The following ABLIM1 variants were observed in gnomAD, a reference collection of about 807,000 sequenced individuals.
The protein encoded by ABLIM1 is actin-binding LIM protein 1.
ABLIM1 carries 40 observed loss-of-function variants against 107.0 expected under a neutral mutation model. That is an observed-to-expected ratio of 0.37 (90% CI 0.29 to 0.49). The LOEUF is 0.49. Among genes scored for constraint, ABLIM1 ranks in the 20% least tolerant of loss-of-function variants. ABLIM1 has a pLI of 0.97. For synonymous variants in ABLIM1, 357 were observed against 357.3 expected (o/e 1.00, Z 0.01); for missense variants, 857 against 1,008.5 (o/e 0.85, Z 2.04).
chr10:114,688,172 C>T (rs1046455343), upstream of ABLIM1, among the ~76,000 whole-genome samples: 3 of 152,170 alleles, frequency 2.0e-5, no homozygotes, highest in African/African-American at 4.8e-5. Flanking sequence ...CACACAACTA[C>T]GTCCTCCGTG....
intron 6 of ABLIM1, among the ~76,000 whole-genome samples, chr10:114,538,738 C>G (rs1441497032): frequency 6.6e-6 from 1 of 152,218 alleles, no homozygotes; most frequent in Non-Finnish European, 1.5e-5. Context: ...AGAATGCTCC[C>G]GTGCAGCCTG....
At chr10:114,637,035 T>TAAAA (rs3061732) in intron 1 of ABLIM1, among the ~76,000 whole-genome samples, 3 of 104,024 alleles carry the variant, frequency 2.9e-5, no homozygotes, top group Admixed American at 1.2e-4. Flanking sequence ...GCTGTCTCTT[T>TAAAA]AAAAAAAAAA....
intron 1 of ABLIM1, among the ~76,000 whole-genome samples, chr10:114,654,422 T>C (rs1450569654): frequency 6.6e-6 from 1 of 152,248 alleles, no homozygotes; most frequent in Non-Finnish European, 1.5e-5. Flanking sequence ...TGTGTGCCAC[T>C]ATACCAAACA....
At chr10:114,664,418 C>T (rs1419834917) in intron 1 of ABLIM1, among the ~76,000 whole-genome samples, 2 of 152,180 alleles carry the variant, frequency 1.3e-5, no homozygotes, top group Non-Finnish European at 2.9e-5. Context: ...AAATACCATG[C>T]CACTGTATCG....
intron 1 of ABLIM1, among the ~76,000 whole-genome samples, chr10:114,763,782 T>C (rs1289151747): frequency 1.3e-5 from 2 of 152,218 alleles, no homozygotes; most frequent in East Asian, 1.9e-4. Context: ...TCTAATTCAA[T>C]GGCTCCCAAG....
chr10:114,577,081 G>C (rs949768766), intron 2 of ABLIM1, among the ~76,000 whole-genome samples: 1 of 152,088 alleles, frequency 6.6e-6, no homozygotes, highest in Non-Finnish European at 1.5e-5. Context: ...GGCAGTCTGG[G>C]GGTAGCGGGT....
the ABLIM1 span, among the ~76,000 whole-genome samples, chr10:114,799,487 C>T: frequency 6.0e-4 from 91 of 152,326 alleles, 2 homozygotes; most frequent in African/African-American, 1.9e-3. Context: ...TTGATCCCCC[C>T]CTCCAAAAAT....
At chr10:114,558,903 GTGTGTGTGTC>G (rs1237913558) in intron 4 of ABLIM1, among the ~76,000 whole-genome samples, 1 of 70,308 alleles carries the variant, frequency 1.4e-5, no homozygotes, top group Non-Finnish European at 2.3e-5. Context: ...GGGAGAACTA[GTGTGTGTGTC>G]TGTGTGTGTG....
chr10:114,693,153 T>C (rs1342576997), intron 1 of ABLIM1, among the ~76,000 whole-genome samples: 1 of 152,206 alleles, frequency 6.6e-6, no homozygotes, highest in Non-Finnish European at 1.5e-5. Flanking sequence ...AGAAGGAGGC[T>C]GTGTTGGGAT....
chr10:114,790,782 A>G, the ABLIM1 span, among the ~76,000 whole-genome samples: 40 of 152,360 alleles, frequency 2.6e-4, no homozygotes, highest in African/African-American at 8.7e-4. Flanking sequence ...AAATGGACCT[A>G]CTAAATAATA....
intron 6 of ABLIM1, among the ~76,000 whole-genome samples, chr10:114,503,943 C>T (rs1024296796): frequency 6.6e-6 from 1 of 152,140 alleles, no homozygotes; most frequent in Non-Finnish European, 1.5e-5. Flanking sequence ...GGATGGCATG[C>T]GAATAACCTC....
chr10:114,601,049 TACACACACAC>T (rs59709817), intron 2 of ABLIM1, among the ~76,000 whole-genome samples: 11,720 of 128,246 alleles, frequency 0.091, 631 homozygotes, highest in East Asian at 0.17. Flanking sequence ...CACATCTCAA[TACACACACAC>T]ACACACACAC....
upstream of ABLIM1, among the ~76,000 whole-genome samples, chr10:114,686,873 C>T (rs888152075): frequency 5.3e-5 from 8 of 151,960 alleles, no homozygotes; most frequent in Non-Finnish European, 8.8e-5. Flanking sequence ...ATAATCCTCT[C>T]GCCTCAGCCT....
chr10:114,756,290 C>T (rs1337868383), intron 1 of ABLIM1, among the ~76,000 whole-genome samples: 1 of 151,970 alleles, frequency 6.6e-6, no homozygotes, highest in Non-Finnish European at 1.5e-5. Flanking sequence ...TAATTTTTTC[C>T]AACACTAAAC....
chr10:114,789,245 A>T, the ABLIM1 span, among the ~76,000 whole-genome samples: 3 of 152,078 alleles, frequency 2.0e-5, no homozygotes, highest in Admixed American at 2.0e-4. Flanking sequence ...ACGGAACAAG[A>T]CTCCGTCTCA....
chr10:114,466,274 C>A (rs1291257099), intron 11 of ABLIM1, among the ~76,000 whole-genome samples: 1 of 152,006 alleles, frequency 6.6e-6, no homozygotes, highest in East Asian at 1.9e-4. Flanking sequence ...TGTGCCAGTG[C>A]ACTCCAGCCT....
intron 4 of ABLIM1, among the ~76,000 whole-genome samples, chr10:114,557,671 G>GTTTTTTTTTTT: frequency 1.4e-5 from 1 of 72,484 alleles, no homozygotes; most frequent in Non-Finnish European, 2.4e-5. Flanking sequence ...ATAGTGAGGT[G>GTTTTTTTTTTT]TTTTTTTTTT....
At chr10:114,692,469 T>C (rs2081100817) in intron 1 of ABLIM1, among the ~76,000 whole-genome samples, 1 of 152,198 alleles carries the variant, frequency 6.6e-6, no homozygotes, top group South Asian at 2.1e-4. Context: ...AAACAAAACC[T>C]TTCTACTCTG....
intron 1 of ABLIM1, among the ~76,000 whole-genome samples, chr10:114,681,812 T>C (rs190589032): frequency 2.8e-4 from 43 of 152,346 alleles, no homozygotes; most frequent in African/African-American, 1.0e-3. Context: ...GGAAATCCAG[T>C]GCCCAATTCT....
Sources: allele counts gnomAD v4.1 joint callset (sites outside exome capture counted in the v4.1 genomes callset), GRCh38; gene constraint gnomAD v4.1.1; transcripts MANE v1.5; gene names NCBI Gene and HGNC (gene_info 2026-07-23, HGNC 2026-07-21).